The following CDK5RAP2 variants were observed in gnomAD, a reference collection of about 807,000 sequenced individuals.
The protein encoded by CDK5RAP2 is CDK5 regulatory subunit associated protein 2.
CDK5RAP2 carries 147 observed loss-of-function variants against 232.9 expected under a neutral mutation model. That is an observed-to-expected ratio of 0.63 (90% CI 0.55 to 0.72). CDK5RAP2 has a LOEUF of 0.72. Ranked by LOEUF, CDK5RAP2 falls within the 30% of genes least tolerant of loss-of-function variation. The probability of loss-of-function intolerance (pLI) is 0.00; values close to 1 mark genes in which losing one functional copy is unlikely to be tolerated. For missense variants in CDK5RAP2, 2,195 were observed against 2,231.5 expected (o/e 0.98, Z 0.33); for synonymous variants, 833 against 833.7 (o/e 1.00, Z 0.01).
chr9:120,534,992 T>A (rs1783158632), intron 7 of CDK5RAP2, among the ~76,000 whole-genome samples: 1 of 152,178 alleles, frequency 6.6e-6, no homozygotes, highest in Non-Finnish European at 1.5e-5. Flanking sequence ...GGAGGCTCAG[T>A]AGGAGGGCAC....
intron 12 of CDK5RAP2, among the ~76,000 whole-genome samples, chr9:120,516,378 AG>A (rs2040341065): frequency 2.1e-5 from 1 of 48,192 alleles, no homozygotes; most frequent in Admixed American, 3.2e-4. Flanking sequence ...GGGTGGGGGG[AG>A]GGGGGAGGGA....
intron 12 of CDK5RAP2, among the ~76,000 whole-genome samples, chr9:120,514,695 C>T (rs1279235868): frequency 6.6e-6 from 1 of 152,182 alleles, no homozygotes. Flanking sequence ...TTCTGCCAAA[C>T]TTAGTTCAAG....
At chr9:120,440,383 C>T (rs926782688) in intron 23 of CDK5RAP2, 1 of 270,562 alleles carries the variant, frequency 3.7e-6, no homozygotes, top group African/African-American at 2.2e-5. Flanking sequence ...CCATGATTCC[C>T]TGCACATTGC....
rs1564188323 is a variant in CDK5RAP2, at chr9:120,415,024, G to A, written c.4297+16C>T. On this transcript the variant is annotated intron_variant, in intron 28 of 37. Transcript: ENST00000349780. ...CTCACAGACATGTACAGTCCTCCAGGAAGGTCTTTCCTTACCTTGAACAAA... is the reference window on the plus strand; with the variant it reads ...CTCACAGACATGTACAGTCCTCCAGAAAGGTCTTTCCTTACCTTGAACAAA... 6.2e-7 allele frequency: 1 copy of A among 1,613,812 alleles called. No homozygotes were observed. Among genetic ancestry groups the A allele is most frequent in the Admixed American group, 1.7e-5 (1 of 60,026 alleles).
Position 120,414,031 on chromosome 9 carries a change from T to G in CDK5RAP2, c.4297+1009A>C, listed in dbSNP as rs369905519. On this transcript the variant is annotated intron_variant, in intron 28 of 37. Transcript: ENST00000349780. The stretch of plus-strand genomic sequence containing the variant: ...GGGGCACTATCTTTCCAGAACTCAA[T>G]TCTACCATCTCTAAAAATGGGAATG... Among the ~76,000 whole-genome samples, 41 of 152,346 alleles carry G rather than the reference T, an allele frequency of 2.7e-4. No individual in the cohort carries two copies. In the East Asian group the frequency reaches 3.1e-3, roughly 11 times the overall value.
At chr9:120,575,332 C>T (rs2042994557) in intron 1 of CDK5RAP2, among the ~76,000 whole-genome samples, 1 of 152,130 alleles carries the variant, frequency 6.6e-6, no homozygotes, top group African/African-American at 2.4e-5. Flanking sequence ...GGATTACAGG[C>T]GTGAGCCACC....
intron 24 of CDK5RAP2, among the ~76,000 whole-genome samples, chr9:120,437,756 G>T (rs546739663): frequency 6.6e-6 from 1 of 152,228 alleles, no homozygotes; most frequent in African/African-American, 2.4e-5. Flanking sequence ...ACCTTATAAA[G>T]CCCCCAATTA....
chr9:120,516,976 A>G (rs2040368123), intron 12 of CDK5RAP2, among the ~76,000 whole-genome samples: 1 of 152,232 alleles, frequency 6.6e-6, no homozygotes, highest in Non-Finnish European at 1.5e-5. Flanking sequence ...AATGTCCAAC[A>G]AAGGAGATTA....
chr9:120,555,438 C>T (rs545928528), intron 3 of CDK5RAP2, among the ~76,000 whole-genome samples: 1 of 152,064 alleles, frequency 6.6e-6, no homozygotes, highest in Non-Finnish European at 1.5e-5. Context: ...CTGCCTGGCC[C>T]GGCAGATCAC....
chr9:120,525,887 G>A (rs1342391295), intron 10 of CDK5RAP2, among the ~76,000 whole-genome samples: 2 of 152,168 alleles, frequency 1.3e-5, no homozygotes, highest in South Asian at 4.1e-4. Context: ...CAAAGTGTTG[G>A]GATAAAAGGC....
At chr9:120,498,127 T>G (rs1015671539) in intron 12 of CDK5RAP2, among the ~76,000 whole-genome samples, 1 of 152,220 alleles carries the variant, frequency 6.6e-6, no homozygotes, top group South Asian at 2.1e-4. Context: ...GTGGATCACG[T>G]GCTTGCCCTT....
In CDK5RAP2 at chr9:120,467,504, T is replaced by A. The variant is rs561963445; in HGVS notation, c.2106+356A>T. Among the ~76,000 whole-genome samples the A allele has an allele frequency of 2.6e-5, 4 of 152,256 alleles. No individual in the cohort carries two copies. The East Asian group carries it at 5.8e-4, about 22-fold the overall frequency. Reference sequence around the variant, plus strand: ...ACAAAGGGAATTTCAGTTAGAGACCTCCCCAGGAACAGATGCAGTCTTGAA... The same window carrying A: ...ACAAAGGGAATTTCAGTTAGAGACCACCCCAGGAACAGATGCAGTCTTGAA... On this transcript the variant is annotated intron_variant, in intron 18 of 37. Transcript: ENST00000349780.
chr9:120,412,647 C>G (rs967524679), intron 28 of CDK5RAP2, among the ~76,000 whole-genome samples: 1 of 152,194 alleles, frequency 6.6e-6, no homozygotes, highest in Non-Finnish European at 1.5e-5. Flanking sequence ...CTCTGGGTTT[C>G]TTGTTACATG....
intron 12 of CDK5RAP2, among the ~76,000 whole-genome samples, chr9:120,496,572 C>T (rs1588486293): frequency 6.9e-6 from 1 of 145,076 alleles, no homozygotes; most frequent in East Asian, 2.6e-4. Context: ...GGGGGTCGGC[C>T]CCCCGTCCGG....
In CDK5RAP2 at chr9:120,507,654, C is replaced by T. The variant is rs192570212; in HGVS notation, c.1311+10773G>A. Among the ~76,000 whole-genome samples, 13 of 151,964 alleles carry T rather than the reference C, an allele frequency of 8.6e-5. No homozygotes were observed. The East Asian group carries it at 2.1e-3, about 25-fold the overall frequency. On this transcript the variant is annotated intron_variant, in intron 12 of 37. Coordinates refer to ENST00000349780, the MANE Select transcript of CDK5RAP2 (RefSeq NM_018249.6). ...ATCCTAAGGAATCTGCAGAGCCCCC[C>T]GGGTGCATCTGTTTTATTTGCTTCT...
At chr9:120,423,899 T>A (rs2034721770) in intron 25 of CDK5RAP2, among the ~76,000 whole-genome samples, 1 of 152,238 alleles carries the variant, frequency 6.6e-6, no homozygotes, top group Non-Finnish European at 1.5e-5. Flanking sequence ...CTGGCTGGTA[T>A]GGCCATCCAG....
intron 3 of CDK5RAP2, 143 bp from the exon 4 acceptor site, chr9:120,551,045 C>G (rs944909793): frequency 1.9e-5 from 13 of 672,976 alleles, no homozygotes; most frequent in African/African-American, 3.6e-5. Context: ...TTTTTGCTAC[C>G]ATTCTACTAA....
chr9:120,545,116 A>G (rs1024542737), intron 5 of CDK5RAP2, among the ~76,000 whole-genome samples: 18 of 152,110 alleles, frequency 1.2e-4, no homozygotes, highest in African/African-American at 4.3e-4. Flanking sequence ...TCCCTAGGAC[A>G]CTTAACAGAT....
Position 120,528,753 on chromosome 9 carries a change from C to T in CDK5RAP2, c.870G>A (p.Glu290=). ...AATTGTATCAACATACCTGGATCCT[C>T]TCTTCAAAGCTGTTTCTCTCCTTCT... is the stretch of plus-strand genomic sequence containing the variant. ...EHQKERNSFE[E]RIQALEEDLR... The change falls in exon 9 of 38, where the codon GAG becomes GAA. Residue 290 remains glutamate (E), a synonymous_variant. Coordinates refer to ENST00000349780, the MANE Select transcript of CDK5RAP2 (RefSeq NM_018249.6). The T allele has an allele frequency of 6.2e-7, 1 of 1,602,700 alleles. No homozygotes were observed. The highest frequency in any genetic ancestry group is 8.6e-7 in the Non-Finnish European group (1 of 1,169,466).
Sources: allele counts gnomAD v4.1 joint callset (sites outside exome capture counted in the v4.1 genomes callset), GRCh38; gene constraint gnomAD v4.1.1; transcripts MANE v1.5; gene names NCBI Gene and HGNC (gene_info 2026-07-23, HGNC 2026-07-21).